PPFIBP1: variants seen among roughly 807,000 people sequenced by gnomAD.
The protein encoded by PPFIBP1 is PPFIB scaffold protein 1, also known as liprin-beta-1.
Under a neutral mutation model 137.8 loss-of-function variants are expected in PPFIBP1, and 112 were observed. That is an observed-to-expected ratio of 0.81 (90% CI 0.70 to 0.95). The LOEUF (loss-of-function observed/expected upper bound fraction) is 0.95. PPFIBP1 is among the 40% of genes least tolerant of loss of function. The pLI, the probability that PPFIBP1 is intolerant of heterozygous loss-of-function variation, is 0.00. For synonymous variants in PPFIBP1, 378 were observed against 417.3 expected (o/e 0.91, Z 1.15); for missense variants, 1,083 against 1,196.6 (o/e 0.91, Z 1.40).
rs900949594 is a variant in PPFIBP1 at position 27,693,919 on chromosome 12, G to C, written c.*1037G>C. 4 of 152,056 alleles carry C rather than the reference G, an allele frequency of 2.6e-5. No homozygotes were observed. Among genetic ancestry groups the C allele is most frequent in the African/African-American group, 9.7e-5 (4 of 41,372 alleles). 9.4% of individuals were successfully genotyped at this position (152,056 alleles called of 1,614,324 possible). On this transcript the variant is annotated 3_prime_UTR_variant, in exon 30 of 30. Coordinates refer to ENST00000228425, the MANE Select transcript of PPFIBP1 (RefSeq NM_003622.4). The stretch of plus-strand genomic sequence containing the variant: ...ACTCGAACTCCTGACCTTGTGATCT[G>C]CCCGCCTCAGCCTCCCAAAGTACTG...
At chr12:27,624,174 G>A (rs1301262413) in intron 2 of PPFIBP1, among the ~76,000 whole-genome samples, 1 of 152,106 alleles carries the variant, frequency 6.6e-6, no homozygotes, top group Non-Finnish European at 1.5e-5. Context: ...CAGTATGGTG[G>A]GAGGCCGGCA....
chr12:27,587,979 C>T (rs1411471171), intron 2 of PPFIBP1, among the ~76,000 whole-genome samples: 1 of 152,156 alleles, frequency 6.6e-6, no homozygotes, highest in African/African-American at 2.4e-5. Flanking sequence ...TCTCTTGTCT[C>T]CCTGTCTTTT....
chr12:27,657,169 T>C (rs1349072080), intron 9 of PPFIBP1: 2 of 152,878 alleles, frequency 1.3e-5, no homozygotes, highest in Non-Finnish European at 2.9e-5. Context: ...TTGGAAAAAT[T>C]AGTAAAAAAT....
At chr12:27,529,937 G>A (rs1410964908) in intron 1 of PPFIBP1, among the ~76,000 whole-genome samples, 3 of 152,112 alleles carry the variant, frequency 2.0e-5, no homozygotes, top group African/African-American at 7.2e-5. Flanking sequence ...TCCTTTTGCT[G>A]GCACTTTGTT....
At chr12:27,532,474 T>TA (rs1028439257) in intron 1 of PPFIBP1, among the ~76,000 whole-genome samples, 2 of 149,706 alleles carry the variant, frequency 1.3e-5, no homozygotes, top group African/African-American at 4.9e-5. Context: ...TTTTTTTTTT[T>TA]ACAGTATATT....
At chr12:27,684,630 A>G (rs112451788) in intron 24 of PPFIBP1, among the ~76,000 whole-genome samples, 32 of 152,304 alleles carry the variant, frequency 2.1e-4, no homozygotes, top group African/African-American at 7.5e-4. Context: ...TGCGTGAAAT[A>G]ATACTAATAT....
chr12:27,573,857 C>G (rs147032552), intron 1 of PPFIBP1, among the ~76,000 whole-genome samples: 14 of 152,142 alleles, frequency 9.2e-5, no homozygotes, highest in Non-Finnish European at 1.8e-4. Context: ...GCTTGCACAC[C>G]TGTATTCCTA....
intron 26 of PPFIBP1, 55 bp downstream of exon 26, chr12:27,688,478 A>G: frequency 5.1e-6 from 8 of 1,582,586 alleles, no homozygotes; most frequent in African/African-American, 1.4e-5. Flanking sequence ...TAGTCTAGTC[A>G]GTAGGATATT....
intron 5 of PPFIBP1, chr12:27,646,416 T>C (rs2058497374): frequency 2.4e-6 from 1 of 414,224 alleles, no homozygotes. Flanking sequence ...TTCTTTTTTT[T>C]TTTTTTTTTT....
At chr12:27,677,221 C>T in intron 19 of PPFIBP1, 125 bp downstream of exon 19, 1 of 1,200,334 alleles carries the variant, frequency 8.3e-7, no homozygotes, top group Admixed American at 2.0e-5. Flanking sequence ...GTTCTCTATT[C>T]CGGAGTGTTC....
chr12:27,564,093 G>A lies in PPFIBP1; in HGVS notation c.-123-14059G>A, dbSNP rs562563506. On this transcript the variant is annotated intron_variant, in intron 1 of 29. Coordinates refer to ENST00000228425, the MANE Select transcript of PPFIBP1 (RefSeq NM_003622.4). ...TCACCATATTGGCCAGGCTGGTCTC[G>A]AACTCCTGACCTTGTGATCCGCCTG... is the stretch of plus-strand genomic sequence containing the variant. Among the ~76,000 whole-genome samples the A allele has an allele frequency of 6.0e-4, 92 of 152,120 alleles. 4 individuals carry two copies. In the South Asian group the frequency reaches 0.017, roughly 29 times the overall value.
At chr12:27,575,474 A>G (rs1198162618) in intron 1 of PPFIBP1, among the ~76,000 whole-genome samples, 1 of 152,234 alleles carries the variant, frequency 6.6e-6, no homozygotes, top group Admixed American at 6.5e-5. Context: ...GGATTTAGAA[A>G]ATAAGCAATA....
rs748697330 is a variant in PPFIBP1 at position 27,662,134 on chromosome 12, G to C, written c.906+1189G>C. On this transcript the variant is annotated intron_variant, in intron 11 of 29. Coordinates refer to ENST00000228425, the MANE Select transcript of PPFIBP1 (RefSeq NM_003622.4). ...CGGGGATTCAGAAGACTTCAAAGAG[G>C]ACATAATTTGAGCAAATTCTGGGGA... Among the ~76,000 whole-genome samples the C allele has an allele frequency of 4.2e-4, 64 of 152,258 alleles. 1 individual carries two copies. Among genetic ancestry groups the C allele is most frequent in the South Asian group, 1.0e-3 (5 of 4,822 alleles).
At chr12:27,646,187 A>G (rs377024896) in intron 5 of PPFIBP1, 39 bp downstream of exon 5, 310 of 1,499,382 alleles carry the variant, frequency 2.1e-4, no homozygotes, top group Non-Finnish European at 2.8e-4. Flanking sequence ...CTTGCAGCAT[A>G]CTTACAAAGC....
chr12:27,552,758 G>A (rs1433951210), intron 1 of PPFIBP1: 1 of 152,210 alleles, frequency 6.6e-6, no homozygotes, highest in Non-Finnish European at 1.5e-5. Flanking sequence ...GCTTTGCAGT[G>A]GGGGAGAGAG....
At chr12:27,556,344 A>G (rs1046935132) in intron 1 of PPFIBP1, among the ~76,000 whole-genome samples, 1 of 152,228 alleles carries the variant, frequency 6.6e-6, no homozygotes. Flanking sequence ...CAAGGTTTCT[A>G]TTCTTTGCCA....
At chr12:27,645,756 C>T (rs1024784917) in intron 4 of PPFIBP1, among the ~76,000 whole-genome samples, 2 of 152,180 alleles carry the variant, frequency 1.3e-5, no homozygotes, top group Non-Finnish European at 2.9e-5. Context: ...AAAGCTTTGC[C>T]TGCCCCTGGG....
intron 2 of PPFIBP1, among the ~76,000 whole-genome samples, chr12:27,622,589 G>A (rs191115231): frequency 4.3e-4 from 65 of 152,288 alleles, no homozygotes; most frequent in African/African-American, 1.4e-3. Flanking sequence ...GTATGCATTC[G>A]TAGGCTGTAA....
chr12:27,627,891 C>A (rs2056959258), intron 2 of PPFIBP1, among the ~76,000 whole-genome samples: 1 of 143,060 alleles, frequency 7.0e-6, no homozygotes, highest in African/African-American at 2.6e-5. Flanking sequence ...CTAAAACTTT[C>A]CTACATTTAT....
Sources: allele counts gnomAD v4.1 joint callset (sites outside exome capture counted in the v4.1 genomes callset), GRCh38; gene constraint gnomAD v4.1.1; transcripts MANE v1.5; gene names NCBI Gene and HGNC (gene_info 2026-07-23, HGNC 2026-07-21).